The following KCNQ2 variants were observed in gnomAD, a reference collection of about 807,000 sequenced individuals.
KCNQ2 encodes potassium voltage-gated channel subfamily KQT member 2.
KCNQ2 carries 14 observed loss-of-function variants against 84.8 expected under a neutral mutation model. The ratio of observed to expected loss-of-function variants is 0.17; its 90% confidence interval spans 0.11 to 0.26. The LOEUF is 0.26. Among genes scored for constraint, KCNQ2 ranks in the 10% least tolerant of loss-of-function variants. The pLI is 1.00. For missense variants in KCNQ2, 788 were observed against 1,254.0 expected, an observed-to-expected ratio of 0.63 and a Z score of 5.61; for synonymous variants, 599 against 554.1, an observed-to-expected ratio of 1.08 and a Z score of -1.14.
chr20:63,450,879 C>T (rs949276795), intron 1 of KCNQ2, among the ~76,000 whole-genome samples: 2 of 152,060 alleles, frequency 1.3e-5, no homozygotes, highest in Non-Finnish European at 2.9e-5. Context: ...TGGCGGCTCA[C>T]GCATCAGCAC....
Position 63,432,616 on chromosome 20 carries a change from A to G in KCNQ2, c.1118+1193T>C, listed in dbSNP as rs576198685. Among the ~76,000 whole-genome samples the G allele has an allele frequency of 9.4e-4, 137 of 146,184 alleles. 1 individual carries two copies. Among genetic ancestry groups the G allele is most frequent in the Non-Finnish European group, 1.8e-3 (119 of 67,232 alleles). On this transcript the variant is annotated intron_variant, in intron 8 of 16. Transcript: ENST00000359125. ...CACAGGGAAGGCTCCACCCACAGGG[A>G]AGGCTCCACCCTCTGGGAAGGCCCC... is the stretch of plus-strand genomic sequence containing the variant.
At chr20:63,422,244 AT>A (rs1443588658) in intron 11 of KCNQ2, 1 of 152,554 alleles carries the variant, frequency 6.6e-6, no homozygotes, top group Non-Finnish European at 1.5e-5. Flanking sequence ...GTGGCAGGCA[AT>A]GATTGCGGAA....
rs913473956 is a variant in KCNQ2 at position 63,400,684 on chromosome 20, G to A, written c.*5960C>T. Reference sequence around the variant, plus strand: ...CCACCGTCACGGCCAGAGGATGGCAGACTGCAATGGCGTGGGGCGCGGGCA... The same window carrying A: ...CCACCGTCACGGCCAGAGGATGGCAAACTGCAATGGCGTGGGGCGCGGGCA... On this transcript the variant is annotated 3_prime_UTR_variant, in exon 17 of 17. Transcript: ENST00000359125. The surrounding 1 kb of genome is among the most constrained non-coding windows in gnomAD (Gnocchi z 8.7). The A allele has an allele frequency of 1.0e-5, 4 of 398,650 alleles. No homozygotes were observed. The highest frequency in any genetic ancestry group is 1.8e-5 in the Non-Finnish European group (4 of 226,052). 24.7% of individuals were successfully genotyped at this position (398,650 alleles called of 1,614,324 possible). A position where few individuals can be genotyped will look rare whatever the true frequency, so the allele number is the denominator to read the frequency against.
chr20:63,445,070 T>C (rs908138453), intron 3 of KCNQ2, among the ~76,000 whole-genome samples, 168 bp downstream of exon 3: 19 of 152,226 alleles, frequency 1.2e-4, no homozygotes, highest in Non-Finnish European at 1.5e-4. Flanking sequence ...TAGGCAGAGT[T>C]AACCACAGCC....
Position 63,432,340 on chromosome 20 carries a change from T to A in KCNQ2, c.1119-971A>T, listed in dbSNP as rs1353913477. On this transcript the variant is annotated intron_variant, in intron 8 of 16. Coordinates refer to ENST00000359125, the MANE Select transcript of KCNQ2 (RefSeq NM_172107.4). The stretch of plus-strand genomic sequence containing the variant: ...TCCACCCTCTGGGAAGGCTCCACCC[T>A]CAGGGAAGGATCCACCCACAGGGAA... Among the ~76,000 whole-genome samples the A allele has an allele frequency of 3.8e-4, 39 of 103,960 alleles. No individual in the cohort carries two copies. The East Asian group carries it at 7.3e-3, about 20-fold the overall frequency. The allele number at this position is 103,960 out of a possible 152,430, so 68.2% of individuals were successfully genotyped here. A position where few individuals can be genotyped will look rare whatever the true frequency, so the allele number is the denominator to read the frequency against.
chr20:63,407,256 C>T lies in KCNQ2; in HGVS notation c.2007G>A (p.Pro669=), dbSNP rs542053755. ...CCCGGCTGTCTTCCGGGCTGTGGTA[C>T]GGCGGCGCCGGCTCCGGCTCTTTGG... ...FGAKEPEPAP[P]YHSPEDSREH... The change falls in exon 17 of 17, where the codon CCG becomes CCA. Residue 669 remains proline, a synonymous_variant. Transcript: ENST00000359125. The surrounding 1 kb of genome is among the most constrained non-coding windows in gnomAD (Gnocchi z 7.2). 58 of 1,597,934 alleles carry T rather than the reference C, an allele frequency of 3.6e-5. No individual in the cohort carries two copies. Among genetic ancestry groups the T allele is most frequent in the Admixed American group, 1.2e-4 (7 of 59,924 alleles).
At chr20:63,454,513 C>A (rs2081717176) in intron 1 of KCNQ2, among the ~76,000 whole-genome samples, 1 of 152,206 alleles carries the variant, frequency 6.6e-6, no homozygotes, top group South Asian at 2.1e-4. Context: ...CTCCAGGCCC[C>A]AGGACAGACC....
rs73146526 is a variant in KCNQ2 at position 63,438,807 on chromosome 20, C to G, written c.928-87G>C. ...CAGACCATGCTCTGGGGCCCCACAC[C>G]CCCCCCAATTCATCAGGGTCAGACC... On this transcript the variant is annotated intron_variant, in intron 6 of 16. Coordinates refer to ENST00000359125, the MANE Select transcript of KCNQ2 (RefSeq NM_172107.4). This position sits in a 1 kb window ranked among gnomAD's most constrained non-coding sequence, Gnocchi z 5.1. 53,712 of 1,017,498 alleles carry G rather than the reference C, an allele frequency of 0.053. 2,839 individuals are homozygous for G. Among genetic ancestry groups the G allele is most frequent in the Admixed American group, 0.2 (10,609 of 53,056 alleles). The allele number at this position is 1,017,498 out of a possible 1,614,324, so 63.0% of individuals were successfully genotyped here.
At chr20:63,439,135 G>A (rs925230408) in intron 6 of KCNQ2, among the ~76,000 whole-genome samples, 2 of 152,188 alleles carry the variant, frequency 1.3e-5, no homozygotes, top group African/African-American at 4.8e-5. Context: ...AGGGGACACC[G>A]GGGCCAGCCT....
intron 12 of KCNQ2, among the ~76,000 whole-genome samples, chr20:63,419,282 G>A (rs1021072948): frequency 6.6e-6 from 1 of 152,224 alleles, no homozygotes; most frequent in Non-Finnish European, 1.5e-5. Context: ...AGAGGTGCTA[G>A]AGTGACAGCC....
intron 1 of KCNQ2, among the ~76,000 whole-genome samples, chr20:63,451,626 C>G (rs1417884755): frequency 6.6e-6 from 1 of 152,196 alleles, no homozygotes; most frequent in Non-Finnish European, 1.5e-5. Context: ...TGGGCAAGCT[C>G]CCTTCAGCCA....
intron 1 of KCNQ2, among the ~76,000 whole-genome samples, chr20:63,450,658 G>A (rs1323409326): frequency 2.0e-5 from 2 of 102,192 alleles, no homozygotes; most frequent in African/African-American, 3.7e-5. Context: ...AGTGGCAGGC[G>A]CCCAGGTGAG....
At chr20:63,418,400 A>G (rs1391194593) in intron 12 of KCNQ2, among the ~76,000 whole-genome samples, 1 of 152,204 alleles carries the variant, frequency 6.6e-6, no homozygotes, top group African/African-American at 2.4e-5. Flanking sequence ...TGCCCGCAGG[A>G]AACAGGAGGC....
intron 6 of KCNQ2, among the ~76,000 whole-genome samples, chr20:63,439,179 C>T (rs1031841305): frequency 1.3e-5 from 2 of 152,234 alleles, no homozygotes; most frequent in Non-Finnish European, 2.9e-5. Context: ...CCCTGCCCTG[C>T]CCTGGGGCAA....
chr20:63,420,162 G>A (rs1025180301), intron 11 of KCNQ2, among the ~76,000 whole-genome samples: 1 of 152,202 alleles, frequency 6.6e-6, no homozygotes, highest in African/African-American at 2.4e-5. Context: ...TTGGAGGTGG[G>A]TCTCGGTTTA....
At chr20:63,467,993 C>A (rs765577659) in intron 1 of KCNQ2, among the ~76,000 whole-genome samples, 1 of 152,196 alleles carries the variant, frequency 6.6e-6, no homozygotes, top group Admixed American at 6.5e-5. Flanking sequence ...TAGCTCCTAT[C>A]CTCTCACAGA....
intron 15 of KCNQ2, chr20:63,412,390 C>T (rs2080146360): frequency 6.0e-6 from 1 of 167,088 alleles, no homozygotes; most frequent in Non-Finnish European, 1.3e-5. Context: ...GACAGGAGGG[C>T]GTTCCGCACA....
At position 63,415,050 on chromosome 20, in the gene KCNQ2, C is replaced by T. The variant is rs1284566908; in HGVS notation, c.1378G>A (p.Ala460Thr). ...CTGGGTGACCGCCTCACAGTCTGGG[C>T]CTGCGGGGACCCCTTCCCCTTGGCA... Reference protein sequence around the residue: ...VAAKGKGSPQAQTVRRSPSAD... With the variant: ...VAAKGKGSPQTQTVRRSPSAD... Residue 460 changes from alanine (A) to threonine (T), a missense_variant, in exon 13 of 17, where the codon GCC (alanine) becomes ACC (threonine). By Grantham distance (58) the Ala-to-Thr change is moderately conservative. This residue lies in a region of KCNQ2 where 202 missense variants were observed against 239.4 expected (regional missense o/e 0.84). Transcript: ENST00000359125. 1.9e-6 allele frequency: 3 copies of T among 1,608,182 alleles called. No individual in the cohort carries two copies. Among genetic ancestry groups the T allele is most frequent in the Non-Finnish European group, 1.7e-6 (2 of 1,179,914 alleles).
intron 12 of KCNQ2, among the ~76,000 whole-genome samples, chr20:63,417,840 C>G (rs2080342820): frequency 6.6e-6 from 1 of 152,186 alleles, no homozygotes; most frequent in East Asian, 1.9e-4. Flanking sequence ...ACACACCCTG[C>G]TGGACCCGAT....
Sources: gnomAD v4.1 joint callset for allele counts (sites outside exome capture counted in the v4.1 genomes callset) on GRCh38, gnomAD v4.1.1 for gene constraint, gnomAD v4.1.1 regional missense constraint, Gnocchi (gnomAD v3.1) non-coding constraint, MANE v1.5 for transcripts, NCBI Gene and HGNC (gene_info 2026-07-23, HGNC 2026-07-21) for gene names.